Variants in PTPN9 observed in about 807,000 individuals in gnomAD.
PTPN9 encodes protein tyrosine phosphatase non-receptor type 9.
PTPN9 carries 26 observed loss-of-function variants against 69.8 expected under a neutral mutation model. The observed-to-expected ratio is 0.37, with a 90% confidence interval of 0.27 to 0.52. The LOEUF is 0.52. Among genes scored for constraint, PTPN9 ranks in the 20% least tolerant of loss-of-function variants. The probability of loss-of-function intolerance (pLI) is 0.91; values close to 1 mark genes in which losing one functional copy is unlikely to be tolerated. For synonymous variants in PTPN9, 274 were observed against 272.5 expected, an observed-to-expected ratio of 1.01 and a Z score of -0.05; for missense variants, 549 against 740.3, an observed-to-expected ratio of 0.74 and a Z score of 3.00.
intron 9 of PTPN9, among the ~76,000 whole-genome samples, chr15:75,477,469 C>T (rs889384568): frequency 6.6e-6 from 1 of 152,090 alleles, no homozygotes; most frequent in Middle Eastern, 3.2e-3. Context: ...GTGGCAGGTG[C>T]CTGTAATCCC....
rs751782514 is a variant in PTPN9, at chr15:75,505,659, A to T, written c.968+16T>A. ...ATCCTGGTAACCAGCTGCTGGCCCA[A>T]ACTTTTTCTACTTACATGGAACAGT... On this transcript the variant is annotated intron_variant, in intron 7 of 12. Coordinates refer to ENST00000618819, the MANE Select transcript of PTPN9 (RefSeq NM_002833.4). The T allele has an allele frequency of 5.0e-6, 8 of 1,600,488 alleles. No individual in the cohort carries two copies. The South Asian group carries it at 8.9e-5, about 18-fold the overall frequency.
intron 8 of PTPN9, among the ~76,000 whole-genome samples, chr15:75,484,570 C>G (rs2074662714): frequency 6.6e-6 from 1 of 152,174 alleles, no homozygotes; most frequent in Non-Finnish European, 1.5e-5. Context: ...AATACCTACT[C>G]AAAAGATCCT....
At chr15:75,517,636 C>T (rs2074877559) in intron 4 of PTPN9, among the ~76,000 whole-genome samples, 1 of 152,162 alleles carries the variant, frequency 6.6e-6, no homozygotes, top group Non-Finnish European at 1.5e-5. Flanking sequence ...CTGTTTTCTC[C>T]CACCCCTCTG....
chr15:75,474,377 G>A (rs2074584538), intron 9 of PTPN9, among the ~76,000 whole-genome samples: 1 of 152,120 alleles, frequency 6.6e-6, no homozygotes, highest in Admixed American at 6.6e-5. Context: ...AAATTAGCCA[G>A]GTGTGGTGGC....
chr15:75,579,313 G>C lies in PTPN9; in HGVS notation c.-537C>G, dbSNP rs530646519. On this transcript the variant is annotated 5_prime_UTR_variant, in exon 1 of 13. Transcript: ENST00000618819. ...CTCCTCGCGGGCGGCCGCAGCGAAA[G>C]GGAGGGAGTGGAGAGGGAGCGAGGG... The C allele has an allele frequency of 1.3e-5, 2 of 152,192 alleles. No individual in the cohort carries two copies. Among genetic ancestry groups the C allele is most frequent in the Admixed American group, 1.3e-4 (2 of 15,286 alleles). 9.4% of individuals were successfully genotyped at this position (152,192 alleles called of 1,614,324 possible). A position where few individuals can be genotyped will look rare whatever the true frequency, so the allele number is the denominator to read the frequency against.
chr15:75,510,805 A>G (rs1567493995), intron 5 of PTPN9, among the ~76,000 whole-genome samples: 1 of 152,134 alleles, frequency 6.6e-6, no homozygotes, highest in Non-Finnish European at 1.5e-5. Context: ...CATCACCACT[A>G]TTCATTTTCA....
Position 75,548,755 on chromosome 15 carries a change from G to A in PTPN9, c.64-21494C>T, listed in dbSNP as rs182635931. Among the ~76,000 whole-genome samples, 354 of 149,304 alleles carry A rather than the reference G, an allele frequency of 2.4e-3. 2 individuals carry two copies. Among genetic ancestry groups the A allele is most frequent in the African/African-American group, 8.3e-3 (335 of 40,416 alleles). On this transcript the variant is annotated intron_variant, in intron 1 of 12. Transcript: ENST00000618819. The stretch of plus-strand genomic sequence containing the variant: ...TGCAAGCTCTGCCACCAGGGTTCAC[G>A]CCATTCTCCTGCCTCAGCCTCCCGA...
chr15:75,485,617 G>T (rs1352148430), intron 8 of PTPN9, among the ~76,000 whole-genome samples: 1 of 149,640 alleles, frequency 6.7e-6, no homozygotes, highest in Non-Finnish European at 1.5e-5. Context: ...TGATCCACCC[G>T]CCTCGGCCTC....
intron 1 of PTPN9, among the ~76,000 whole-genome samples, chr15:75,575,867 C>T (rs1318925784): frequency 7.2e-6 from 1 of 138,204 alleles, no homozygotes; most frequent in East Asian, 2.1e-4. Context: ...TGCAGTGAGC[C>T]GAGATTGCGC....
intron 5 of PTPN9, among the ~76,000 whole-genome samples, chr15:75,509,549 C>T (rs373004642): frequency 3.6e-4 from 54 of 151,814 alleles, no homozygotes; most frequent in Admixed American, 1.5e-3. Flanking sequence ...TAGCCAGGCA[C>T]GGTGGCAGAC....
At chr15:75,513,110 CTG>C in intron 5 of PTPN9, 1 of 379,732 alleles carries the variant, frequency 2.6e-6, no homozygotes, top group Non-Finnish European at 5.1e-6. Flanking sequence ...TCCCTGGTGA[CTG>C]CAGCAGGTAC....
At chr15:75,552,341 A>G (rs1165927856) in intron 1 of PTPN9, among the ~76,000 whole-genome samples, 1 of 152,150 alleles carries the variant, frequency 6.6e-6, no homozygotes. Flanking sequence ...CAGGAGGCGG[A>G]GGTTGCGGTG....
chr15:75,526,136 C>A (rs2074926435), intron 2 of PTPN9, among the ~76,000 whole-genome samples: 1 of 151,792 alleles, frequency 6.6e-6, no homozygotes. Flanking sequence ...GCTGGGAATA[C>A]AGGTGCCACT....
rs562069727 is a variant in PTPN9 at position 75,560,343 on chromosome 15, C to A, written c.63+18371G>T. 1.6e-3 allele frequency among the ~76,000 whole-genome samples: 238 copies of A among 152,134 alleles called. 1 individual carries two copies. Among genetic ancestry groups the A allele is most frequent in the Non-Finnish European group, 2.8e-3 (191 of 68,004 alleles). ...TATATTTTAATCTTGCTGGCTACAC[C>A]ACTTCTAAGTCCCTAACCTAGCCAG... On this transcript the variant is annotated intron_variant, in intron 1 of 12. Coordinates refer to ENST00000618819, the MANE Select transcript of PTPN9 (RefSeq NM_002833.4).
At chr15:75,569,319 CTA>C (rs1287260393) in intron 1 of PTPN9, among the ~76,000 whole-genome samples, 3 of 152,130 alleles carry the variant, frequency 2.0e-5, no homozygotes, top group African/African-American at 7.2e-5. Context: ...TCCAAAATTA[CTA>C]TGTCTTTTCC....
rs367735292 is a variant in PTPN9 at position 75,493,217 on chromosome 15, A to G, written c.969-2916T>C. Among the ~76,000 whole-genome samples, 17 of 152,160 alleles carry G rather than the reference A, an allele frequency of 1.1e-4. No homozygotes were observed. The East Asian group carries it at 2.9e-3, about 26-fold the overall frequency. On this transcript the variant is annotated intron_variant, in intron 7 of 12. Transcript: ENST00000618819. ...AATTCAAACACATGGGGGCTACAGA[A>G]GTTTAAAAAAAAAGATAGTCAATAA...
At chr15:75,571,224 C>A (rs2075146844) in intron 1 of PTPN9, among the ~76,000 whole-genome samples, 1 of 152,046 alleles carries the variant, frequency 6.6e-6, no homozygotes, top group Non-Finnish European at 1.5e-5. Flanking sequence ...CATGCCACTG[C>A]ACTCTAGTCT....
intron 9 of PTPN9, among the ~76,000 whole-genome samples, chr15:75,474,927 T>C (rs769186826): frequency 6.6e-6 from 1 of 152,208 alleles, no homozygotes; most frequent in Non-Finnish European, 1.5e-5. Flanking sequence ...CTCTATTCTT[T>C]CGCTCAAGCT....
At chr15:75,577,658 T>G (rs1595975352) in intron 1 of PTPN9, among the ~76,000 whole-genome samples, 1 of 152,246 alleles carries the variant, frequency 6.6e-6, no homozygotes, top group Non-Finnish European at 1.5e-5. Context: ...AAAACTGGAC[T>G]GTCTTCACAC....
Sources: gnomAD v4.1 joint callset for allele counts (sites outside exome capture counted in the v4.1 genomes callset) on GRCh38, gnomAD v4.1.1 for gene constraint, MANE v1.5 for transcripts, NCBI Gene and HGNC (gene_info 2026-07-23, HGNC 2026-07-21) for gene names.